Variants in COPG2 observed in about 807,000 individuals in gnomAD.
COPG2 encodes coat protein complex I subunit gamma 2, also known as coatomer subunit gamma-2.
In COPG2, 37 loss-of-function variants were observed where a neutral mutation model predicts 46.3. The observed-to-expected ratio is 0.80, with a 90% CI of 0.61 to 1.05. COPG2 has a LOEUF of 1.05. COPG2 is among the 50% of genes least tolerant of loss of function. The probability of loss-of-function intolerance (pLI) is 0.00; values close to 1 mark genes in which losing one functional copy is unlikely to be tolerated. For synonymous variants in COPG2, 159 were observed against 129.7 expected, an observed-to-expected ratio of 1.23 and a Z score of -1.53; for missense variants, 427 against 387.8, an observed-to-expected ratio of 1.10 and a Z score of -0.85.
intron 9 of COPG2, among the ~76,000 whole-genome samples, chr7:130,586,619 C>T (rs921734607): frequency 9.2e-5 from 14 of 151,894 alleles, no homozygotes; most frequent in Admixed American, 5.9e-4. Context: ...CCCGCCACCA[C>T]GCCGGGCTAA....
intron 5 of COPG2, among the ~76,000 whole-genome samples, chr7:130,618,234 G>C (rs1025073046): frequency 1.3e-5 from 2 of 151,830 alleles, no homozygotes; most frequent in Non-Finnish European, 2.9e-5. Context: ...TTTCCAAGAG[G>C]ATCTATGAAC....
At chr7:130,596,886 A>T (rs1301469390) in intron 9 of COPG2, among the ~76,000 whole-genome samples, 1 of 152,180 alleles carries the variant, frequency 6.6e-6, no homozygotes, top group Non-Finnish European at 1.5e-5. Flanking sequence ...GCTATGGGTA[A>T]CTCTCTTTTA....
rs1452769124 is a variant in COPG2 at position 130,613,572 on chromosome 7, A to G, written c.464T>C (p.Val155Ala). 5 of 1,598,538 alleles carry G rather than the reference A, an allele frequency of 3.1e-6. No homozygotes were observed. The highest frequency in any genetic ancestry group is 3.4e-6 in the Non-Finnish European group (4 of 1,170,784). Residue 155 changes from valine to alanine, a missense_variant, in exon 7 of 24, where the codon GTA (valine) becomes GCA (alanine). Val to Ala is a moderately conservative substitution (Grantham distance 64). Transcript: ENST00000425248. ...GGAAGATACCAGTGCTGAACTGGAT[A>G]CACTGGAAACTTTATCCACAATGGC... Reference protein sequence around the residue: ...KQAIVDKVSSVSSSALVSSLH... With the variant: ...KQAIVDKVSSASSSALVSSLH...
intron 20 of COPG2, among the ~76,000 whole-genome samples, chr7:130,534,707 G>GA (rs1273116173): frequency 1.3e-5 from 2 of 152,156 alleles, no homozygotes; most frequent in African/African-American, 2.4e-5. Flanking sequence ...ACCTGTGTAA[G>GA]AAGGTCTTAA....
At chr7:130,562,327 C>T (rs1386993472) in intron 11 of COPG2, among the ~76,000 whole-genome samples, 2 of 152,098 alleles carry the variant, frequency 1.3e-5, no homozygotes, top group Non-Finnish European at 2.9e-5. Flanking sequence ...CCACTGCACT[C>T]TAGCCTGGGA....
At chr7:130,605,918 C>A in intron 9 of COPG2, 1 of 383,224 alleles carries the variant, frequency 2.6e-6, no homozygotes, top group South Asian at 2.0e-5. Flanking sequence ...ATTTTGGTAC[C>A]TGTAAGTGAA....
intron 9 of COPG2, among the ~76,000 whole-genome samples, chr7:130,606,461 GAAGGAAGTAA>G (rs1346174321): frequency 3.7e-4 from 56 of 152,186 alleles, no homozygotes; most frequent in Non-Finnish European, 7.6e-4. Flanking sequence ...TGAGGGCTCA[GAAGGAAGTAA>G]AAAACACATT....
At chr7:130,536,223 G>C (rs928577892) in intron 20 of COPG2, among the ~76,000 whole-genome samples, 1 of 152,118 alleles carries the variant, frequency 6.6e-6, no homozygotes, top group Non-Finnish European at 1.5e-5. Context: ...AGTGGAGAGT[G>C]CCAGGACTGT....
intron 11 of COPG2, among the ~76,000 whole-genome samples, chr7:130,563,035 T>C (rs1793741947): frequency 6.6e-6 from 1 of 152,224 alleles, no homozygotes; most frequent in Admixed American, 6.5e-5. Context: ...GCCACCATAT[T>C]GGACAGTGTG....
At chr7:130,573,541 A>C (rs1793947701) in intron 9 of COPG2, among the ~76,000 whole-genome samples, 1 of 152,102 alleles carries the variant, frequency 6.6e-6, no homozygotes, top group African/African-American at 2.4e-5. Flanking sequence ...TTAACACCAG[A>C]AAATCACATT....
rs1011876051 is a variant in COPG2, at chr7:130,649,748, G to A, written c.323+3121C>T. On this transcript the variant is annotated intron_variant, in intron 5 of 23. Coordinates refer to ENST00000425248, the MANE Select transcript of COPG2 (RefSeq NM_012133.6). ...TTTCTATTGTCATGGCAATCTAGGC[G>A]TTTTCTATCTTGCACCTCAAAATTC... Among the ~76,000 whole-genome samples the A allele has an allele frequency of 5.3e-5, 8 of 152,102 alleles. No individual in the cohort carries two copies. The South Asian group carries it at 6.2e-4, about 12-fold the overall frequency.
chr7:130,559,219 AGAAAATGCG>A lies in COPG2; in HGVS notation c.1128+1805_1128+1813del, dbSNP rs1368141088. ...GGAAACAAAAGACTAAAAATCCTAA[AGAAAATGCG>A]GAAAATGCAGCCTACCCAACCCATT... On this transcript the variant is annotated intron_variant, in intron 12 of 23. Transcript: ENST00000425248. Among the ~76,000 whole-genome samples the A allele has an allele frequency of 7.9e-5, 12 of 152,336 alleles. No homozygotes were observed. In the East Asian group the frequency reaches 2.3e-3, roughly 29 times the overall value.
intron 4 of COPG2, among the ~76,000 whole-genome samples, chr7:130,658,494 C>A (rs1554460173): frequency 6.6e-6 from 1 of 151,878 alleles, no homozygotes; most frequent in Non-Finnish European, 1.5e-5. Flanking sequence ...TTTGTCAAAG[C>A]TCATAGAATG....
At chr7:130,529,286 G>A (rs1220437886) in intron 20 of COPG2, among the ~76,000 whole-genome samples, 3 of 152,160 alleles carry the variant, frequency 2.0e-5, no homozygotes, top group East Asian at 1.9e-4. Flanking sequence ...AGAGGAGGGA[G>A]TGGATGCTGA....
chr7:130,572,846 A>G (rs1793932735), intron 9 of COPG2, among the ~76,000 whole-genome samples: 1 of 151,960 alleles, frequency 6.6e-6, no homozygotes, highest in Admixed American at 6.6e-5. Context: ...AGGAAATAAT[A>G]AATATTAGAG....
chr7:130,587,248 A>G (rs1794294838), intron 9 of COPG2, among the ~76,000 whole-genome samples: 1 of 151,962 alleles, frequency 6.6e-6, no homozygotes, highest in Non-Finnish European at 1.5e-5. Context: ...TGGACGCTAC[A>G]GTGAGCCGAG....
intron 5 of COPG2, among the ~76,000 whole-genome samples, chr7:130,646,845 T>C (rs1293315180): frequency 2.0e-5 from 3 of 151,144 alleles, no homozygotes; most frequent in African/African-American, 7.3e-5. Context: ...TCCTGAGGCC[T>C]CCCCCAGCCA....
chr7:130,525,643 C>T (rs1440377864), intron 20 of COPG2, among the ~76,000 whole-genome samples: 1 of 152,146 alleles, frequency 6.6e-6, no homozygotes, highest in Non-Finnish European at 1.5e-5. Context: ...AGAGATATAG[C>T]TTACAGCTGA....
intron 4 of COPG2, among the ~76,000 whole-genome samples, chr7:130,662,359 A>G (rs1188243380): frequency 6.6e-6 from 1 of 152,160 alleles, no homozygotes. Context: ...GATTTGGCCA[A>G]TTTATGTTAA....
Sources: allele counts gnomAD v4.1 joint callset (sites outside exome capture counted in the v4.1 genomes callset), GRCh38; gene constraint gnomAD v4.1.1; transcripts MANE v1.5; gene names NCBI Gene and HGNC (gene_info 2026-07-23, HGNC 2026-07-21).